Variants in SLC10A1 observed in about 807,000 individuals in gnomAD.
The protein encoded by SLC10A1 is hepatic sodium/bile acid cotransporter.
SLC10A1 carries 36 observed loss-of-function variants against 20.5 expected under a neutral mutation model. The observed-to-expected ratio is 1.75, with a 90% CI of 1.34 to 2.32. The LOEUF (loss-of-function observed/expected upper bound fraction) is 2.32. Among genes scored for constraint, SLC10A1 ranks in the 30% most tolerant of loss-of-function variants. The pLI is 0.00. For missense variants in SLC10A1, 545 were observed against 439.1 expected, an observed-to-expected ratio of 1.24 and a Z score of -2.16; for synonymous variants, 188 against 163.6, an observed-to-expected ratio of 1.15 and a Z score of -1.14.
chr14:69,785,704 T>C (rs1393755272), intron 2 of SLC10A1, among the ~76,000 whole-genome samples: 1 of 151,750 alleles, frequency 6.6e-6, no homozygotes, highest in Non-Finnish European at 1.5e-5. Flanking sequence ...TTCAAGCGAT[T>C]CTGCTGCCTC....
chr14:69,784,293 A>G (rs755638844), intron 2 of SLC10A1, among the ~76,000 whole-genome samples: 8 of 152,242 alleles, frequency 5.3e-5, no homozygotes, highest in East Asian at 1.9e-4. Context: ...GCAGTGGTCA[A>G]TTATGTCCAA....
intron 3 of SLC10A1, 85 bp downstream of exon 3, chr14:69,779,097 G>T: frequency 2.0e-6 from 2 of 1,008,248 alleles, no homozygotes; most frequent in Non-Finnish European, 1.4e-6. Context: ...GGAGGTTGAG[G>T]CTGCAGTGAG....
In SLC10A1 at chr14:69,779,248, G is replaced by A. The variant is rs772109534; in HGVS notation, c.680C>T (p.Ser227Phe). 1 of 1,613,938 alleles carries A rather than the reference G, an allele frequency of 6.2e-7. No individual in the cohort carries two copies. Among genetic ancestry groups the A allele is most frequent in the East Asian group, 2.2e-5 (1 of 44,872 alleles). The change falls in exon 3 of 5, where the codon TCC becomes TTC. Residue 227 changes from serine (S) to phenylalanine (F), a missense_variant. By Grantham distance (155) the Ser-to-Phe change is radical. Coordinates refer to ENST00000216540, the MANE Select transcript of SLC10A1 (RefSeq NM_003049.4). ...AMTPLLIATS[S>F]LMPFIGFLLG... ...CAGAAAGCCAATAAAAGGCATCAGGGAGGAGGTGGCAATCAAGAGTGGTGT... is the reference window on the plus strand; with the variant it reads ...CAGAAAGCCAATAAAAGGCATCAGGAAGGAGGTGGCAATCAAGAGTGGTGT...
intron 4 of SLC10A1, among the ~76,000 whole-genome samples, chr14:69,777,105 T>G (rs943645766): frequency 2.6e-5 from 4 of 152,228 alleles, no homozygotes; most frequent in Non-Finnish European, 4.4e-5. Flanking sequence ...CTTCAGGTCT[T>G]TCTGGTACTA....
rs1883510098 is a variant in SLC10A1 at position 69,778,599 on chromosome 14, C to T, written c.747-70G>A. 3 of 1,364,378 alleles carry T rather than the reference C, an allele frequency of 2.2e-6. No individual in the cohort carries two copies. The South Asian group carries it at 4.5e-5, about 20-fold the overall frequency. 84.5% of individuals were successfully genotyped at this position (1,364,378 alleles called of 1,614,324 possible). On this transcript the variant is annotated intron_variant, in intron 3 of 4. Transcript: ENST00000216540. Reference sequence around the variant, plus strand: ...AGGGAGCAACTTTGTCCCAGTGCTGCTACCAAAGAGTTTCGCAGCAGATGG... The same window carrying T: ...AGGGAGCAACTTTGTCCCAGTGCTGTTACCAAAGAGTTTCGCAGCAGATGG...
rs777823927 is a variant in SLC10A1, at chr14:69,779,325, G to A, written c.603C>T (p.Ala201=). ...CATTGATGGCAGAGAGAACTGTGAC[G>A]GCCACACTGCACAAGAGAATGATGA... ...GMIIILLCSV[A]VTVLSAINVG... is the part of the protein sequence containing the mutation. Residue 201 remains alanine (A), a synonymous_variant, in exon 3 of 5, where the codon GCC becomes GCT. Transcript: ENST00000216540. The A allele has an allele frequency of 9.9e-6, 16 of 1,613,732 alleles. No homozygotes were observed. The highest frequency in any genetic ancestry group is 1.4e-5 in the Non-Finnish European group (16 of 1,179,930).
In SLC10A1 at chr14:69,797,100, C is replaced by T. The variant is rs201763212; in HGVS notation, c.56G>A (p.Gly19Asp). Residue 19 changes from glycine to aspartate, a missense_variant, in exon 1 of 5, where the codon GGC becomes GAC. Gly to Asp is a moderately conservative substitution (Grantham distance 94). Transcript: ENST00000216540. ...CAGTGCCAGGTCTGTGGGGCGCTTG[C>T]CAAAGTTGGGTGGCAGGGTGAAGTT... ...PFNFTLPPNFGKRPTDLALSV... is the reference protein window; with the variant it reads ...PFNFTLPPNFDKRPTDLALSV... 2 of 1,614,010 alleles carry T rather than the reference C, an allele frequency of 1.2e-6. No homozygotes were observed. The highest frequency in any genetic ancestry group is 1.7e-6 in the Non-Finnish European group (2 of 1,179,990).
intron 2 of SLC10A1, among the ~76,000 whole-genome samples, chr14:69,781,015 C>T (rs1198034124): frequency 6.6e-6 from 1 of 152,166 alleles, no homozygotes; most frequent in African/African-American, 2.4e-5. Flanking sequence ...GGGGACTGCA[C>T]AGTTGTGGTT....
intron 2 of SLC10A1, among the ~76,000 whole-genome samples, chr14:69,782,774 C>G (rs1419272927): frequency 6.7e-6 from 1 of 149,766 alleles, no homozygotes; most frequent in Non-Finnish European, 1.5e-5. Context: ...CGCCACTGCA[C>G]TCCAACCTGG....
Position 69,775,670 on chromosome 14 carries a change from A to G in SLC10A1, c.*612T>C, listed in dbSNP as rs1196165197. 6.6e-6 allele frequency: 1 copy of G among 152,218 alleles called. No homozygotes were observed. The highest frequency in any genetic ancestry group is 1.5e-5 in the Non-Finnish European group (1 of 68,078). 9.4% of individuals were successfully genotyped at this position (152,218 alleles called of 1,614,324 possible). A position where few individuals can be genotyped will look rare whatever the true frequency, so the allele number is the denominator to read the frequency against. ...TCAAAAGTTTTCCTCCTCTACTAAC[A>G]TGATGCATTCGCCCAGTTTTTTCAT... On this transcript the variant is annotated 3_prime_UTR_variant, in exon 5 of 5. Transcript: ENST00000216540.
At chr14:69,776,690 C>G (rs1883456224) in intron 4 of SLC10A1, among the ~76,000 whole-genome samples, 1 of 152,192 alleles carries the variant, frequency 6.6e-6, no homozygotes, top group African/African-American at 2.4e-5. Flanking sequence ...TATGCAAGGT[C>G]TGTGTTGCAT....
At position 69,796,990 on chromosome 14, in the gene SLC10A1, A is replaced by G; in HGVS notation, c.166T>C (p.Trp56Arg). ...GCGATGGCCAGCCCTTTAGGCTTCC[A>G]TAAGTGAGCCTTGATCTTGCTGAAC... ...MEFSKIKAHL[W>R]KPKGLAIALV... is the part of the protein sequence containing the mutation. The change falls in exon 1 of 5, where the codon TGG becomes CGG. Residue 56 changes from tryptophan (W) to arginine (R), a missense_variant. Coordinates refer to ENST00000216540, the MANE Select transcript of SLC10A1 (RefSeq NM_003049.4). 9 of 1,614,264 alleles carry G rather than the reference A, an allele frequency of 5.6e-6. No individual in the cohort carries two copies. The highest frequency in any genetic ancestry group is 1.1e-5 in the South Asian group (1 of 91,086).
At chr14:69,777,195 C>T (rs1322924692) in intron 4 of SLC10A1, among the ~76,000 whole-genome samples, 1 of 152,158 alleles carries the variant, frequency 6.6e-6, no homozygotes, top group African/African-American at 2.4e-5. Context: ...TCTTGCGTTC[C>T]TCTCAGATAA....
chr14:69,779,468 CTG>C lies in SLC10A1; in HGVS notation c.568-110_568-109del, dbSNP rs1167105748. The C allele has an allele frequency of 3.5e-5, 27 of 771,140 alleles. 1 individual carries two copies. The highest frequency in any genetic ancestry group is 5.1e-5 in the Non-Finnish European group (25 of 491,704). The allele number at this position is 771,140 out of a possible 1,614,324, so 47.8% of individuals were successfully genotyped here. A position where few individuals can be genotyped will look rare whatever the true frequency, so the allele number is the denominator to read the frequency against. On this transcript the variant is annotated intron_variant, in intron 2 of 4. Transcript: ENST00000216540. Reference sequence around the variant, plus strand: ...AGGTGGGAAACATTGCAATAAAACACTGGAAGTGGAAAGGAATATGAAAGACC... The same window carrying C: ...AGGTGGGAAACATTGCAATAAAACACGAAGTGGAAAGGAATATGAAAGACC...
intron 4 of SLC10A1, among the ~76,000 whole-genome samples, chr14:69,777,517 A>C: frequency 6.6e-6 from 1 of 151,630 alleles, no homozygotes; most frequent in Non-Finnish European, 1.5e-5. Context: ...GGTACTTAGG[A>C]AGAATATACT....
chr14:69,797,065 G>T lies in SLC10A1; in HGVS notation c.91C>A (p.Leu31Met), dbSNP rs758439072. 1 of 1,614,148 alleles carries T rather than the reference G, an allele frequency of 6.2e-7. No homozygotes were observed. Among genetic ancestry groups the T allele is most frequent in the South Asian group, 1.1e-5 (1 of 91,074 alleles). Residue 31 changes from leucine (L) to methionine (M), a missense_variant, in exon 1 of 5, where the codon CTG becomes ATG. By Grantham distance (15) the Leu-to-Met change is conservative. Transcript: ENST00000216540. The stretch of plus-strand genomic sequence containing the variant: ...ATGATGAAGAACAACATGAACACCA[G>T]GATGACGCTCAGTGCCAGGTCTGTG... ...RPTDLALSVILVFMLFFIMLS... is the reference protein window; with the variant it reads ...RPTDLALSVIMVFMLFFIMLS...
In SLC10A1 at chr14:69,777,460, G is replaced by T. The variant is rs114715011; in HGVS notation, c.943+873C>A. On this transcript the variant is annotated intron_variant, in intron 4 of 4. Transcript: ENST00000216540. ...CCTAGGGTCTAGAAAGGTTTTGAAG[G>T]GGACTTCAATTCATGGACATGAAGG... is the stretch of plus-strand genomic sequence containing the variant. Among the ~76,000 whole-genome samples the T allele has an allele frequency of 8.9e-3, 1,356 of 152,154 alleles. 16 individuals carry two copies. The highest frequency in any genetic ancestry group is 0.029 in the African/African-American group (1,212 of 41,504).
At chr14:69,777,988 C>G (rs560835212) in intron 4 of SLC10A1, among the ~76,000 whole-genome samples, 5 of 152,018 alleles carry the variant, frequency 3.3e-5, no homozygotes, top group East Asian at 1.9e-4. Flanking sequence ...CCAACTCTTG[C>G]GAATAGAGGC....
chr14:69,784,742 T>C (rs1883672528), intron 2 of SLC10A1, among the ~76,000 whole-genome samples: 1 of 149,052 alleles, frequency 6.7e-6, no homozygotes, highest in Non-Finnish European at 1.5e-5. Context: ...GGGAGGCTGC[T>C]GGGCCAGGGG....
Sources: gnomAD v4.1 joint callset for allele counts (sites outside exome capture counted in the v4.1 genomes callset) on GRCh38, gnomAD v4.1.1 for gene constraint, MANE v1.5 for transcripts, NCBI Gene and HGNC (gene_info 2026-07-23, HGNC 2026-07-21) for gene names.